Variants in MYT1 observed in about 807,000 individuals in gnomAD.
MYT1 encodes myelin transcription factor 1.
In MYT1, 23 loss-of-function variants were observed where a neutral mutation model predicts 123.0. The observed-to-expected ratio is 0.19, with a 90% CI of 0.13 to 0.26. MYT1 has a LOEUF of 0.26. Among genes scored for constraint, MYT1 ranks in the 10% least tolerant of loss-of-function variants. The probability of loss-of-function intolerance (pLI) is 1.00; values close to 1 mark genes in which losing one functional copy is unlikely to be tolerated. For synonymous variants in MYT1, 518 were observed against 575.3 expected, an observed-to-expected ratio of 0.90 and a Z score of 1.43; for missense variants, 1,125 against 1,472.5, an observed-to-expected ratio of 0.76 and a Z score of 3.86.
At chr20:64,234,854 CTGGCCGTGGTGGGTGACCCTGGGA>C (rs1356694606) in intron 19 of MYT1, among the ~76,000 whole-genome samples, 54 of 135,436 alleles carry the variant, frequency 4.0e-4, no homozygotes, top group Non-Finnish European at 5.2e-4. Context: ...TGACCCTGGG[CTGGCCGTGGTGGGTGACCCTGGGA>C]TGGCCGTGGT....
At position 64,237,170 on chromosome 20, in the gene MYT1, A is replaced by G. The variant is rs746667645; in HGVS notation, c.2990-117A>G. The stretch of plus-strand genomic sequence containing the variant: ...AGAGAGATGAGCTCGGAAAACCAGG[A>G]GGGGAGACCTCTGCTGCACAGGGGG... On this transcript the variant is annotated intron_variant, in intron 20 of 22. Coordinates refer to ENST00000328439, the MANE Select transcript of MYT1 (RefSeq NM_004535.3). 533 of 703,202 alleles carry G rather than the reference A, an allele frequency of 7.6e-4. 1 individual carries two copies. The highest frequency in any genetic ancestry group is 1.1e-3 in the Non-Finnish European group (441 of 416,126). The allele number at this position is 703,202 out of a possible 1,614,324, so 43.6% of individuals were successfully genotyped here.
intron 7 of MYT1, among the ~76,000 whole-genome samples, chr20:64,209,113 G>C (rs1027255327): frequency 2.0e-5 from 3 of 152,304 alleles, no homozygotes; most frequent in South Asian, 2.1e-4. Flanking sequence ...CTGGGCTGAC[G>C]TGGTTGGGGA....
intron 7 of MYT1, among the ~76,000 whole-genome samples, chr20:64,210,246 G>T (rs1983625963): frequency 6.6e-6 from 1 of 152,248 alleles, no homozygotes; most frequent in Admixed American, 6.5e-5. Context: ...ACGGCCCCGG[G>T]TGACACAGGT....
intron 3 of MYT1, among the ~76,000 whole-genome samples, 160 bp downstream of exon 3, chr20:64,199,076 G>A (rs1413505442): frequency 6.6e-6 from 1 of 152,194 alleles, no homozygotes; most frequent in Non-Finnish European, 1.5e-5. Context: ...CTTTGAAGCT[G>A]GCATCTAAGA....
chr20:64,219,534 A>G (rs1451146701), intron 12 of MYT1, among the ~76,000 whole-genome samples, 179 bp from the exon 13 acceptor site: 1 of 152,128 alleles, frequency 6.6e-6, no homozygotes, highest in Non-Finnish European at 1.5e-5. Flanking sequence ...GGCCCCCTTC[A>G]TGGGAAATCA....
At chr20:64,171,356 G>A (rs1421850388) in intron 1 of MYT1, among the ~76,000 whole-genome samples, 2 of 152,174 alleles carry the variant, frequency 1.3e-5, no homozygotes, top group Non-Finnish European at 2.9e-5. Flanking sequence ...TTACTGAATG[G>A]CATTCAGGGA....
rs1324061351 is a variant in MYT1 at position 64,166,984 on chromosome 20, A to G, written c.-99+2245A>G. On this transcript the variant is annotated intron_variant, in intron 1 of 22. Transcript: ENST00000328439. This position sits in a 1 kb window ranked among gnomAD's most constrained non-coding sequence, Gnocchi z 4.9. The stretch of plus-strand genomic sequence containing the variant: ...GTGGGCGCTCTCCCTGGTGCTGCTC[A>G]GAGACTCACTCCCTTCCTCTCTGGC... Among the ~76,000 whole-genome samples the G allele has an allele frequency of 6.6e-6, 1 of 152,146 alleles. No homozygotes were observed. Among genetic ancestry groups the G allele is most frequent in the African/African-American group, 2.4e-5 (1 of 41,452 alleles).
At chr20:64,174,087 T>C (rs351885) in intron 1 of MYT1, among the ~76,000 whole-genome samples, 2 of 1,732 alleles carry the variant, frequency 1.2e-3, no homozygotes, top group Non-Finnish European at 1.7e-3. Flanking sequence ...GCTTCTCCTG[T>C]AGCATCTTTC....
rs1396285976 is a variant in MYT1 at position 64,167,536 on chromosome 20, C to T, written c.-99+2797C>T. On this transcript the variant is annotated intron_variant, in intron 1 of 22. Transcript: ENST00000328439. The surrounding 1 kb of genome is among the most constrained non-coding windows in gnomAD (Gnocchi z 6.3). ...GGGCTGCTGGCGGTCACCTGATCTG[C>T]GAGCAGGCAGGGTACTGGACGGTCA... 3.3e-5 allele frequency among the ~76,000 whole-genome samples: 5 copies of T among 152,162 alleles called. No individual in the cohort carries two copies. Among genetic ancestry groups the T allele is most frequent in the African/African-American group, 4.8e-5 (2 of 41,428 alleles).
chr20:64,215,577 C>CTTA (rs1029375792), intron 10 of MYT1, among the ~76,000 whole-genome samples: 30 of 151,548 alleles, frequency 2.0e-4, no homozygotes, highest in Admixed American at 8.5e-4. Flanking sequence ...CAATGTTAAG[C>CTTA]TTATTATTAT....
At position 64,205,746 on chromosome 20, in the gene MYT1, G is replaced by C; in HGVS notation, c.343G>C (p.Ala115Pro). The C allele has an allele frequency of 1.2e-6, 2 of 1,614,190 alleles. No homozygotes were observed. The highest frequency in any genetic ancestry group is 2.2e-5 in the South Asian group (2 of 91,082). ...SDESEGTLEG[A>P]EAETSGQDEI... ...TGAATCGGAAGGAACTCTGGAGGGG[G>C]CCGAGGCTGAGACGTCAGGACAGGA... Residue 115 changes from alanine (A) to proline (P), a missense_variant, in exon 6 of 23, where the codon GCC becomes CCC. By Grantham distance (27) the Ala-to-Pro change is conservative. Around this residue, in one of 4 missense-constraint regions of MYT1, gnomAD observed 406 missense variants for 432.2 expected, o/e 0.94. Transcript: ENST00000328439.
intron 19 of MYT1, among the ~76,000 whole-genome samples, chr20:64,233,857 G>A (rs576291687): frequency 3.3e-5 from 5 of 152,252 alleles, no homozygotes; most frequent in African/African-American, 1.2e-4. Context: ...GGTTGGAGGT[G>A]CTGAGGGCCT....
chr20:64,218,857 C>T lies in MYT1; in HGVS notation c.1847-54C>T, dbSNP rs767392796. The T allele has an allele frequency of 3.1e-6, 5 of 1,611,464 alleles. No individual in the cohort carries two copies. The highest frequency in any genetic ancestry group is 4.2e-6 in the Non-Finnish European group (5 of 1,179,888). The stretch of plus-strand genomic sequence containing the variant: ...AAACCTTTCCCAAAGGCCTCTTCCC[C>T]CAGGCACAGCCCCTCCAGTAGTTAT... On this transcript the variant is annotated intron_variant, in intron 11 of 22. Transcript: ENST00000328439. The surrounding 1 kb of genome is among the most constrained non-coding windows in gnomAD (Gnocchi z 4.0).
At position 64,167,339 on chromosome 20, in the gene MYT1, A is replaced by C. The variant is rs1350960107; in HGVS notation, c.-99+2600A>C. ...GCAAAAGGTGCGTCTACTTTGGAAA[A>C]GACTGAGCAAGGCTTGTGTCCACCC... On this transcript the variant is annotated intron_variant, in intron 1 of 22. Transcript: ENST00000328439. The surrounding 1 kb of genome is among the most constrained non-coding windows in gnomAD (Gnocchi z 6.3). Among the ~76,000 whole-genome samples the C allele has an allele frequency of 6.6e-6, 1 of 152,302 alleles. No individual in the cohort carries two copies. Among genetic ancestry groups the C allele is most frequent in the East Asian group, 1.9e-4 (1 of 5,174 alleles).
At chr20:64,181,209 C>T (rs115642892) in intron 1 of MYT1, among the ~76,000 whole-genome samples, 1,852 of 152,110 alleles carry the variant, frequency 0.012, 36 homozygotes, top group African/African-American at 0.043. Context: ...GGATGTGGGT[C>T]TCTTTTTATT....
chr20:64,225,121 G>A (rs1175557106), intron 16 of MYT1, among the ~76,000 whole-genome samples: 2 of 152,162 alleles, frequency 1.3e-5, no homozygotes, highest in African/African-American at 4.8e-5. Flanking sequence ...CTCCCCCAGG[G>A]GCCTTTCCAT....
At chr20:64,215,543 C>T (rs1391606152) in intron 10 of MYT1, among the ~76,000 whole-genome samples, 1 of 152,046 alleles carries the variant, frequency 6.6e-6, no homozygotes, top group African/African-American at 2.4e-5. Context: ...AAGCCTTGGT[C>T]AAGGAAGCCA....
Position 64,232,332 on chromosome 20 carries a change from C to A in MYT1, c.2844C>A (p.Thr948=), listed in dbSNP as rs749661980. Residue 948 remains threonine, a synonymous_variant, in exon 19 of 23, where the codon ACC becomes ACA. Coordinates refer to ENST00000328439, the MANE Select transcript of MYT1 (RefSeq NM_004535.3). This position sits in a 1 kb window ranked among gnomAD's most constrained non-coding sequence, Gnocchi z 6.9. ...SLKNEGPTCP[T]PGCDGSGHAN... ...AGAATGAAGGACCGACCTGCCCCAC[C>A]CCGGGCTGTGACGGCTCTGGCCACG... The A allele has an allele frequency of 6.2e-7, 1 of 1,613,018 alleles. No individual in the cohort carries two copies. Among genetic ancestry groups the A allele is most frequent in the East Asian group, 2.2e-5 (1 of 44,882 alleles).
In MYT1 at chr20:64,205,661, C is replaced by T; in HGVS notation, c.258C>T (p.Gly86=). ...CCCTGAAGCTGGCTCTGGACGAGGG[C>T]TATGGTGTGGACAGCGACGGCAGTG... ...SHPLKLALDE[G]YGVDSDGSED... The change falls in exon 6 of 23, where the codon GGC becomes GGT. Residue 86 remains glycine, a synonymous_variant. Transcript: ENST00000328439. The T allele has an allele frequency of 1.9e-6, 3 of 1,614,190 alleles. No individual in the cohort carries two copies. In the African/African-American group the frequency reaches 4.0e-5, roughly 22 times the overall value.
Sources: gnomAD v4.1 joint callset for allele counts (sites outside exome capture counted in the v4.1 genomes callset) on GRCh38, gnomAD v4.1.1 for gene constraint, gnomAD v4.1.1 regional missense constraint, Gnocchi (gnomAD v3.1) non-coding constraint, MANE v1.5 for transcripts, NCBI Gene and HGNC (gene_info 2026-07-23, HGNC 2026-07-21) for gene names.